Variants in ANXA8 observed in about 807,000 individuals in gnomAD.
The protein encoded by ANXA8 is VAC-beta.
A neutral mutation model predicts 26.8 loss-of-function variants in ANXA8; 9 were observed. That is an observed-to-expected ratio of 0.34 (90% CI 0.20 to 0.59). The LOEUF (loss-of-function observed/expected upper bound fraction) is 0.59, where lower values mean the gene tolerates loss of function less well. Among genes scored for constraint, ANXA8 ranks in the 20% least tolerant of loss-of-function variants. ANXA8 has a pLI of 0.84. For missense variants in ANXA8, 83 were observed against 238.5 expected, an observed-to-expected ratio of 0.35 and a Z score of 4.29; for synonymous variants, 39 against 94.8, an observed-to-expected ratio of 0.41 and a Z score of 3.42.
the ANXA8 span, among the ~76,000 whole-genome samples, chr10:47,956,561 T>C: frequency 6.7e-6 from 1 of 148,492 alleles, no homozygotes; most frequent in South Asian, 2.1e-4. Flanking sequence ...GCAACCATGT[T>C]TTATTTCCTA....
At chr10:47,618,705 C>A in the ANXA8 span, among the ~76,000 whole-genome samples, 12 of 112,294 alleles carry the variant, frequency 1.1e-4, 2 homozygotes, top group East Asian at 2.6e-3. Flanking sequence ...ACAAATCATA[C>A]GCTTTGTAAA....
the ANXA8 span, among the ~76,000 whole-genome samples, chr10:47,607,130 TAAG>T: frequency 6.9e-6 from 1 of 144,262 alleles, no homozygotes; most frequent in Non-Finnish European, 1.5e-5. Flanking sequence ...TAAAATCAAT[TAAG>T]ACAGGGTGCA....
the ANXA8 span, among the ~76,000 whole-genome samples, chr10:47,715,067 G>A: frequency 0.022 from 2 of 90 alleles, no homozygotes; most frequent in East Asian, 0.12. Flanking sequence ...ATAGATACAT[G>A]AGAATTTTCT....
the ANXA8 span, among the ~76,000 whole-genome samples, chr10:47,643,403 C>A: frequency 1.4e-5 from 2 of 143,896 alleles, no homozygotes; most frequent in African/African-American, 5.9e-5. Flanking sequence ...GTTGTACATG[C>A]CTGTGGTCCC....
chr10:47,535,776 A>C, the ANXA8 span, among the ~76,000 whole-genome samples: 1 of 46,848 alleles, frequency 2.1e-5, no homozygotes, highest in South Asian at 9.5e-4. Flanking sequence ...CTTACATGAA[A>C]ACGGTACATC....
At chr10:47,483,263 G>A (rs1839903605) in intron 1 of ANXA8, among the ~76,000 whole-genome samples, 1 of 145,244 alleles carries the variant, frequency 6.9e-6, no homozygotes, top group Non-Finnish European at 1.5e-5. Context: ...ATTGATCCCT[G>A]AGGTGAAGGC....
At chr10:47,744,771 G>A in the ANXA8 span, among the ~76,000 whole-genome samples, 4 of 151,438 alleles carry the variant, frequency 2.6e-5, no homozygotes, top group Non-Finnish European at 4.4e-5. Context: ...ATTCAAACTT[G>A]CTCTGCAGGT....
chr10:47,645,525 CAAAG>C, the ANXA8 span, among the ~76,000 whole-genome samples: 1 of 149,188 alleles, frequency 6.7e-6, no homozygotes, highest in African/African-American at 2.5e-5. Context: ...AAGAGAAAGA[CAAAG>C]AAAGAAAAAG....
chr10:47,633,593 GCTAA>G, the ANXA8 span, among the ~76,000 whole-genome samples: 1 of 111,734 alleles, frequency 8.9e-6, no homozygotes, highest in Non-Finnish European at 1.7e-5. Flanking sequence ...CTATTTCGAT[GCTAA>G]CTAAATCTCT....
the ANXA8 span, among the ~76,000 whole-genome samples, chr10:47,699,134 G>C: frequency 6.6e-6 from 1 of 151,396 alleles, no homozygotes; most frequent in African/African-American, 2.4e-5. Flanking sequence ...ATCTCTTGAG[G>C]CCAGGAGTTT....
At chr10:47,940,193 A>G in the ANXA8 span, among the ~76,000 whole-genome samples, 3 of 150,422 alleles carry the variant, frequency 2.0e-5, no homozygotes, top group African/African-American at 7.4e-5. Context: ...GGAAGGATGC[A>G]AGAGAGTCTC....
the ANXA8 span, among the ~76,000 whole-genome samples, chr10:47,701,593 T>C: frequency 6.6e-5 from 10 of 151,774 alleles, no homozygotes; most frequent in African/African-American, 1.7e-4. Flanking sequence ...TGTGAAAACA[T>C]AAACCCCCCA....
At chr10:47,668,676 C>T in the ANXA8 span, among the ~76,000 whole-genome samples, 1 of 150,768 alleles carries the variant, frequency 6.6e-6, no homozygotes, top group Non-Finnish European at 1.5e-5. Flanking sequence ...TTTTTTTCTT[C>T]CCACAGTTGT....
chr10:47,516,535 G>A, the ANXA8 span, among the ~76,000 whole-genome samples: 5 of 135,942 alleles, frequency 3.7e-5, no homozygotes, highest in Admixed American at 3.8e-4. Context: ...GACGATAACA[G>A]GACAGAAGGA....
chr10:47,684,291 C>T, the ANXA8 span, among the ~76,000 whole-genome samples: 3 of 152,198 alleles, frequency 2.0e-5, no homozygotes, highest in African/African-American at 7.2e-5. Context: ...TGCCAGTTTC[C>T]ATCCTCCTAC....
chr10:47,533,225 C>CACACACACACACACACATACACACA, the ANXA8 span, among the ~76,000 whole-genome samples: 9 of 98,550 alleles, frequency 9.1e-5, no homozygotes, highest in African/African-American at 3.1e-4. Context: ...ACACACACAC[C>CACACACACACACACACATACACACA]CCCGCAGACA....
At chr10:47,516,058 A>G in the ANXA8 span, among the ~76,000 whole-genome samples, 1 of 125,072 alleles carries the variant, frequency 8.0e-6, no homozygotes, top group Non-Finnish European at 1.6e-5. Flanking sequence ...ATAGTAGAGG[A>G]TAAAGTCACA....
the ANXA8 span, among the ~76,000 whole-genome samples, chr10:47,522,228 C>T: frequency 2.1e-5 from 3 of 141,778 alleles, 1 homozygote; most frequent in African/African-American, 5.3e-5. Flanking sequence ...TAAAAGTCTA[C>T]GTTGACGTTT....
the ANXA8 span, among the ~76,000 whole-genome samples, chr10:47,511,101 G>C: frequency 7.9e-6 from 1 of 126,860 alleles, no homozygotes; most frequent in Non-Finnish European, 1.6e-5. Context: ...CCACCACCAT[G>C]CCCGGCTAAC....
Sources: gnomAD v4.1 joint callset for allele counts (sites outside exome capture counted in the v4.1 genomes callset) on GRCh38, gnomAD v4.1.1 for gene constraint, MANE v1.5 for transcripts, NCBI Gene and HGNC (gene_info 2026-07-23, HGNC 2026-07-21) for gene names.